TIMP3: variants seen among roughly 807,000 people sequenced by gnomAD.
TIMP3 encodes TIMP metallopeptidase inhibitor 3, also known as metalloproteinase inhibitor 3.
In TIMP3, 11 loss-of-function variants were observed where a neutral mutation model predicts 30.0. The observed-to-expected ratio is 0.37, with a 90% CI of 0.23 to 0.61. TIMP3 has a LOEUF of 0.61. Ranked by LOEUF, TIMP3 falls within the 20% of genes least tolerant of loss-of-function variation. TIMP3 has a pLI of 0.70. For missense variants in TIMP3, 181 were observed against 276.8 expected, an observed-to-expected ratio of 0.65 and a Z score of 2.45; for synonymous variants, 112 against 111.3, an observed-to-expected ratio of 1.01 and a Z score of -0.04.
rs559657127 is a variant in TIMP3 at position 32,858,229 on chromosome 22, C to T, written c.438+91C>T. On this transcript the variant is annotated intron_variant, in intron 4 of 4. Transcript: ENST00000266085. ...CCCAATGCACTGGGTGCCAGGCCCT[C>T]GGCTGGGAAGGGTATGCATGTGTTA... 4.2e-5 allele frequency: 66 copies of T among 1,566,276 alleles called. No homozygotes were observed. In the East Asian group the frequency reaches 7.5e-4, roughly 18 times the overall value.
intron 1 of TIMP3, among the ~76,000 whole-genome samples, chr22:32,807,617 G>A (rs2145967998): frequency 6.7e-6 from 1 of 149,804 alleles, no homozygotes; most frequent in Middle Eastern, 3.5e-3. Flanking sequence ...GGAAACTGAG[G>A]CTTAGAAAAA....
chr22:32,848,370 C>T (rs184704119), intron 1 of TIMP3, among the ~76,000 whole-genome samples: 86 of 152,242 alleles, frequency 5.6e-4, no homozygotes, highest in African/African-American at 1.9e-3. Flanking sequence ...GAGAGTTATA[C>T]CCTCTTTATA....
At chr22:32,827,938 G>C (rs758470501) in intron 1 of TIMP3, among the ~76,000 whole-genome samples, 46 of 152,256 alleles carry the variant, frequency 3.0e-4, no homozygotes, top group Non-Finnish European at 5.3e-4. Flanking sequence ...CACCTTCGTA[G>C]AGAGGCCTTC....
intron 1 of TIMP3, among the ~76,000 whole-genome samples, chr22:32,840,255 C>A (rs2047855440): frequency 6.6e-6 from 1 of 152,148 alleles, no homozygotes; most frequent in Non-Finnish European, 1.5e-5. Flanking sequence ...TTAAATAAAA[C>A]CAAGATTAAT....
intron 1 of TIMP3, among the ~76,000 whole-genome samples, chr22:32,824,277 C>CAA (rs130288): frequency 0.43 from 57,417 of 132,768 alleles, 13,247 homozygotes; most frequent in Admixed American, 0.54. Flanking sequence ...GACTCCATCT[C>CAA]AAAAAAAAAA....
chr22:32,850,119 T>C (rs540055251), intron 2 of TIMP3, among the ~76,000 whole-genome samples: 1 of 150,526 alleles, frequency 6.6e-6, no homozygotes, highest in South Asian at 2.2e-4. Flanking sequence ...GTTAGCAATG[T>C]TTGCTAAGCA....
intron 1 of TIMP3, among the ~76,000 whole-genome samples, chr22:32,835,662 T>C (rs1373519963): frequency 6.6e-6 from 1 of 152,194 alleles, no homozygotes; most frequent in Non-Finnish European, 1.5e-5. Context: ...TCTAAAAAAG[T>C]ATACTTGTTC....
At chr22:32,820,708 C>T (rs1433105101) in intron 1 of TIMP3, among the ~76,000 whole-genome samples, 1 of 152,034 alleles carries the variant, frequency 6.6e-6, no homozygotes, top group East Asian at 1.9e-4. Flanking sequence ...GCACCTGGGA[C>T]CAAGGGGAGG....
chr22:32,850,462 A>G (rs1237959075), intron 2 of TIMP3, among the ~76,000 whole-genome samples: 1 of 152,086 alleles, frequency 6.6e-6, no homozygotes, highest in Non-Finnish European at 1.5e-5. Flanking sequence ...CTTAGCACAG[A>G]AGACTGGGGC....
intron 1 of TIMP3, among the ~76,000 whole-genome samples, chr22:32,838,597 G>C (rs539513158): frequency 1.3e-5 from 2 of 152,260 alleles, no homozygotes; most frequent in South Asian, 4.1e-4. Context: ...AGGGTCCTGT[G>C]ACTTGCCTCT....
intron 1 of TIMP3, among the ~76,000 whole-genome samples, chr22:32,808,980 G>T (rs2046839666): frequency 6.6e-6 from 1 of 152,170 alleles, no homozygotes; most frequent in African/African-American, 2.4e-5. Flanking sequence ...CTGTCTTCTG[G>T]TGGACATGAT....
At position 32,837,054 on chromosome 22, in the gene TIMP3, C is replaced by T. The variant is rs893518068; in HGVS notation, c.122-12398C>T. Among the ~76,000 whole-genome samples the T allele has an allele frequency of 6.6e-6, 1 of 152,240 alleles. No individual in the cohort carries two copies. The highest frequency in any genetic ancestry group is 2.1e-4 in the South Asian group (1 of 4,816). On this transcript the variant is annotated intron_variant, in intron 1 of 4. Transcript: ENST00000266085. The surrounding 1 kb of genome is among the most constrained non-coding windows in gnomAD (Gnocchi z 4.1). ...TTGCTCCTAGGCCTATCCCAGAGTC[C>T]CTCAGCTCTCCTAGCAAACAAAATC...
chr22:32,824,234 C>T (rs991159197), intron 1 of TIMP3, among the ~76,000 whole-genome samples: 94 of 150,178 alleles, frequency 6.3e-4, no homozygotes, highest in Middle Eastern at 3.4e-3. Context: ...GACGACACCT[C>T]GCCACTGCAC....
intron 2 of TIMP3, among the ~76,000 whole-genome samples, chr22:32,853,852 A>G (rs71313142): frequency 0.12 from 19,009 of 152,262 alleles, 1,619 homozygotes; most frequent in Non-Finnish European, 0.18. Context: ...TTACAGATGA[A>G]GAAACTGAGA....
chr22:32,809,594 A>G (rs996319989), intron 1 of TIMP3, among the ~76,000 whole-genome samples: 1 of 152,172 alleles, frequency 6.6e-6, no homozygotes, highest in Admixed American at 6.5e-5. Context: ...ATCCGACACA[A>G]TTTCATGTGT....
chr22:32,847,934 C>T (rs2146235298), intron 1 of TIMP3, among the ~76,000 whole-genome samples: 1 of 152,394 alleles, frequency 6.6e-6, no homozygotes, highest in Middle Eastern at 3.4e-3. Context: ...TAGAGGCACT[C>T]TCTGCCCTAA....
At chr22:32,852,675 T>C (rs569858426) in intron 2 of TIMP3, among the ~76,000 whole-genome samples, 14 of 152,308 alleles carry the variant, frequency 9.2e-5, no homozygotes, top group African/African-American at 3.1e-4. Context: ...TTCTCCCGTC[T>C]GCTAACTCTG....
At chr22:32,822,932 A>G (rs571200360) in intron 1 of TIMP3, among the ~76,000 whole-genome samples, 21 of 151,448 alleles carry the variant, frequency 1.4e-4, no homozygotes, top group African/African-American at 4.9e-4. Flanking sequence ...ACAACAACAA[A>G]AAAAAAACAG....
intron 2 of TIMP3, 28 bp downstream of exon 2, chr22:32,849,562 G>A: frequency 6.2e-7 from 1 of 1,604,908 alleles, no homozygotes; most frequent in Non-Finnish European, 8.5e-7. Flanking sequence ...CCTGGCTCCG[G>A]GAAGGTTTTT....
Sources: gnomAD v4.1 joint callset for allele counts (sites outside exome capture counted in the v4.1 genomes callset) on GRCh38, gnomAD v4.1.1 for gene constraint, Gnocchi (gnomAD v3.1) non-coding constraint, MANE v1.5 for transcripts, NCBI Gene and HGNC (gene_info 2026-07-23, HGNC 2026-07-21) for gene names.